Variants in TPST1 observed in about 807,000 individuals in gnomAD.
TPST1 encodes the protein tyrosylprotein sulfotransferase 1, also known as protein-tyrosine sulfotransferase 1.
A neutral mutation model predicts 34.8 loss-of-function variants in TPST1; 20 were observed. The observed-to-expected ratio is 0.57, with a 90% CI of 0.40 to 0.84. TPST1 has a LOEUF of 0.84. Ranked by LOEUF, TPST1 falls within the 40% of genes least tolerant of loss-of-function variation. The pLI is 0.00. For missense variants in TPST1, 353 were observed against 455.5 expected, an observed-to-expected ratio of 0.78 and a Z score of 2.05; for synonymous variants, 152 against 159.4, an observed-to-expected ratio of 0.95 and a Z score of 0.35.
At chr7:66,271,465 C>A (rs1171581032) in intron 2 of TPST1, among the ~76,000 whole-genome samples, 2 of 152,230 alleles carry the variant, frequency 1.3e-5, no homozygotes, top group Non-Finnish European at 2.9e-5. Context: ...GCGTGAGCCA[C>A]CGTGCCTGGC....
intron 1 of TPST1, among the ~76,000 whole-genome samples, chr7:66,232,647 G>A (rs999488341): frequency 5.3e-5 from 8 of 152,070 alleles, no homozygotes; most frequent in South Asian, 2.1e-4. Context: ...ATGAGCCACC[G>A]CGCCCGGCCC....
chr7:66,233,947 C>T (rs980901444), intron 1 of TPST1, among the ~76,000 whole-genome samples: 21 of 152,106 alleles, frequency 1.4e-4, no homozygotes, highest in African/African-American at 4.8e-4. Flanking sequence ...CTGCAACCTT[C>T]GTCTTCCAGA....
chr7:66,313,936 C>T (rs1453110288), intron 3 of TPST1, among the ~76,000 whole-genome samples: 1 of 151,976 alleles, frequency 6.6e-6, no homozygotes. Flanking sequence ...TTTTCTTTAT[C>T]TGTAACAGTT....
intron 1 of TPST1, among the ~76,000 whole-genome samples, chr7:66,215,583 C>T (rs1279149588): frequency 2.0e-5 from 3 of 151,662 alleles, no homozygotes; most frequent in Non-Finnish European, 4.4e-5. Flanking sequence ...ACCATGTTAG[C>T]CAGGATGGTC....
At chr7:66,225,703 CAG>C (rs1789641507) in intron 1 of TPST1, among the ~76,000 whole-genome samples, 1 of 152,220 alleles carries the variant, frequency 6.6e-6, no homozygotes, top group Non-Finnish European at 1.5e-5. Context: ...CACATGCACA[CAG>C]TGTTTTAGTA....
intron 2 of TPST1, among the ~76,000 whole-genome samples, chr7:66,276,933 G>T (rs560196591): frequency 6.6e-6 from 1 of 151,992 alleles, no homozygotes; most frequent in South Asian, 2.1e-4. Context: ...TCAAGCTTTT[G>T]GGAGGAGGAA....
intron 2 of TPST1, among the ~76,000 whole-genome samples, chr7:66,250,650 C>T (rs771707100): frequency 3.3e-5 from 5 of 152,010 alleles, no homozygotes; most frequent in South Asian, 2.1e-4. Context: ...CTGATGGTAC[C>T]GAGCCCTATA....
chr7:66,345,190 G>A (rs1792320412), intron 3 of TPST1, among the ~76,000 whole-genome samples: 1 of 151,596 alleles, frequency 6.6e-6, no homozygotes, highest in African/African-American at 2.4e-5. Flanking sequence ...AGAAAGTTAA[G>A]AAAACAAGCA....
chr7:66,238,941 G>C (rs1789967683), intron 1 of TPST1, among the ~76,000 whole-genome samples: 1 of 152,288 alleles, frequency 6.6e-6, no homozygotes, highest in Admixed American at 6.5e-5. Flanking sequence ...CCATGTCTTT[G>C]GTCATAGTGT....
At chr7:66,328,554 T>A (rs1327831858) in intron 3 of TPST1, among the ~76,000 whole-genome samples, 1 of 151,736 alleles carries the variant, frequency 6.6e-6, no homozygotes, top group Non-Finnish European at 1.5e-5. Flanking sequence ...TTTTTTTTTG[T>A]TGTTTTTTTT....
chr7:66,248,542 C>T (rs1178937404), intron 2 of TPST1, among the ~76,000 whole-genome samples: 1 of 123,388 alleles, frequency 8.1e-6, no homozygotes, highest in African/African-American at 3.1e-5. Context: ...CTCGCACTGT[C>T]TTCTGGGCTG....
chr7:66,202,196 G>A (rs887879678), upstream of TPST1, among the ~76,000 whole-genome samples: 5 of 152,126 alleles, frequency 3.3e-5, no homozygotes, highest in Admixed American at 3.3e-4. Context: ...TTAGAAAGCA[G>A]GAAAAGTTCA....
intron 3 of TPST1, among the ~76,000 whole-genome samples, chr7:66,317,630 G>A (rs1221695295): frequency 6.6e-6 from 1 of 151,508 alleles, no homozygotes; most frequent in Non-Finnish European, 1.5e-5. Context: ...CCTATAGTCA[G>A]AATTGTTAGT....
In TPST1 at chr7:66,240,799, A is replaced by C. The variant is rs781529363; in HGVS notation, c.374A>C (p.Asp125Ala). The change falls in exon 2 of 6, where the codon GAT becomes GCT. Residue 125 changes from aspartate to alanine, a missense_variant. Coordinates refer to ENST00000304842, the MANE Select transcript of TPST1 (RefSeq NM_003596.4). ...SRSSKEKIRL[D>A]EAGVTDEVLD... Reference sequence around the variant, plus strand: ...TCAAGTAAAGAGAAGATCCGCCTGGATGAGGCTGGTGTTACTGATGAAGTG... The same window carrying C: ...TCAAGTAAAGAGAAGATCCGCCTGGCTGAGGCTGGTGTTACTGATGAAGTG... The C allele has an allele frequency of 6.8e-6, 11 of 1,614,096 alleles. No homozygotes were observed. The highest frequency in any genetic ancestry group is 6.7e-5 in the Admixed American group (4 of 60,006).
At chr7:66,317,603 TG>T (rs1351060808) in intron 3 of TPST1, among the ~76,000 whole-genome samples, 8 of 152,082 alleles carry the variant, frequency 5.3e-5, no homozygotes, top group South Asian at 2.1e-4. Flanking sequence ...TGTGTTTTAA[TG>T]TTTTTTTTTT....
chr7:66,269,856 A>G (rs1790669964), intron 2 of TPST1, among the ~76,000 whole-genome samples: 2 of 152,174 alleles, frequency 1.3e-5, no homozygotes, highest in African/African-American at 2.4e-5. Context: ...AGAGAACTGT[A>G]GGAGAGCAAG....
At chr7:66,215,398 G>A (rs1325945480) in intron 1 of TPST1, among the ~76,000 whole-genome samples, 1 of 148,740 alleles carries the variant, frequency 6.7e-6, no homozygotes, top group Non-Finnish European at 1.5e-5. Context: ...TTTTTGAGAT[G>A]CAGCCTTGCT....
At chr7:66,305,435 C>T (rs1791402760) in intron 3 of TPST1, among the ~76,000 whole-genome samples, 1 of 152,140 alleles carries the variant, frequency 6.6e-6, no homozygotes, top group Non-Finnish European at 1.5e-5. Flanking sequence ...GCTCTAATAT[C>T]CCGTTAACTT....
At chr7:66,262,099 T>C (rs1052996553) in intron 2 of TPST1, among the ~76,000 whole-genome samples, 1 of 152,178 alleles carries the variant, frequency 6.6e-6, no homozygotes, top group African/African-American at 2.4e-5. Context: ...ACCTGGTCAA[T>C]GTGTCCTGCT....
Sources: gnomAD v4.1 joint callset for allele counts (sites outside exome capture counted in the v4.1 genomes callset) on GRCh38, gnomAD v4.1.1 for gene constraint, MANE v1.5 for transcripts, NCBI Gene and HGNC (gene_info 2026-07-23, HGNC 2026-07-21) for gene names.